The following EDIL3 variants were observed in gnomAD, a reference collection of about 807,000 sequenced individuals.
The protein encoded by EDIL3 is EGF like and discoidin domains 3.
In EDIL3, 37 loss-of-function variants were observed where a neutral mutation model predicts 67.4. The ratio of observed to expected loss-of-function variants is 0.55; its 90% CI spans 0.42 to 0.72. The LOEUF is 0.72. Among genes scored for constraint, EDIL3 ranks in the 30% least tolerant of loss-of-function variants. The pLI is 0.00. For synonymous variants in EDIL3, 195 were observed against 196.3 expected (o/e 0.99, Z 0.05); for missense variants, 527 against 586.3 (o/e 0.90, Z 1.04).
At chr5:84,359,045 A>G (rs1041252434) in intron 1 of EDIL3, among the ~76,000 whole-genome samples, 1 of 152,166 alleles carries the variant, frequency 6.6e-6, no homozygotes, top group Non-Finnish European at 1.5e-5. Flanking sequence ...AGCTATGGGG[A>G]TTTGGTTTTA....
At chr5:84,030,778 A>T (rs4703978) in intron 9 of EDIL3, among the ~76,000 whole-genome samples, 18,023 of 151,926 alleles carry the variant, frequency 0.12, 1,677 homozygotes, top group African/African-American at 0.26. Flanking sequence ...CTTCCTCTCA[A>T]CTTCTCACAC....
intron 1 of EDIL3, among the ~76,000 whole-genome samples, chr5:84,279,170 G>C (rs1441096007): frequency 1.3e-5 from 2 of 151,858 alleles, no homozygotes; most frequent in Non-Finnish European, 2.9e-5. Flanking sequence ...AAATTTATTC[G>C]AAGGCTGCCA....
At chr5:83,986,269 C>A (rs911022053) in intron 9 of EDIL3, among the ~76,000 whole-genome samples, 1 of 152,032 alleles carries the variant, frequency 6.6e-6, no homozygotes, top group Admixed American at 6.6e-5. Flanking sequence ...GATAAAATTC[C>A]AAATAACCAA....
chr5:84,150,619 T>G (rs565120453), intron 4 of EDIL3, among the ~76,000 whole-genome samples: 4 of 152,246 alleles, frequency 2.6e-5, no homozygotes, highest in African/African-American at 9.6e-5. Flanking sequence ...ACAGCTAAAA[T>G]TAAAAAGATG....
intron 1 of EDIL3, among the ~76,000 whole-genome samples, chr5:84,258,421 C>T (rs536686150): frequency 6.6e-6 from 1 of 152,278 alleles, no homozygotes; most frequent in South Asian, 2.1e-4. Context: ...TAGTCAATCA[C>T]ACAGGGAGCT....
chr5:83,974,562 A>G (rs1311083333), intron 9 of EDIL3, among the ~76,000 whole-genome samples: 1 of 152,018 alleles, frequency 6.6e-6, no homozygotes, highest in African/African-American at 2.4e-5. Context: ...ATTCAAATGC[A>G]TGGTCCGTAA....
intron 4 of EDIL3, among the ~76,000 whole-genome samples, chr5:84,156,227 G>A (rs1448663458): frequency 6.6e-5 from 10 of 152,176 alleles, no homozygotes; most frequent in Non-Finnish European, 1.5e-4. Context: ...AGGAGGAATA[G>A]GGAAGGGAAG....
At chr5:84,176,249 T>C (rs940330589) in intron 4 of EDIL3, among the ~76,000 whole-genome samples, 1 of 142,056 alleles carries the variant, frequency 7.0e-6, no homozygotes, top group Non-Finnish European at 1.5e-5. Flanking sequence ...GTATAATATA[T>C]TGTATATATA....
chr5:84,002,772 T>C (rs1048810861), intron 9 of EDIL3, among the ~76,000 whole-genome samples: 1 of 152,214 alleles, frequency 6.6e-6, no homozygotes, highest in Non-Finnish European at 1.5e-5. Flanking sequence ...GTACTTGCCA[T>C]TGCTGCCTTT....
chr5:84,033,312 G>A (rs1013037996), intron 9 of EDIL3, among the ~76,000 whole-genome samples: 2 of 152,126 alleles, frequency 1.3e-5, no homozygotes, highest in Non-Finnish European at 2.9e-5. Flanking sequence ...GACCACTGAG[G>A]ATTAGTAATT....
At chr5:84,202,189 T>C (rs1274370108) in intron 3 of EDIL3, among the ~76,000 whole-genome samples, 1 of 152,156 alleles carries the variant, frequency 6.6e-6, no homozygotes, top group African/African-American at 2.4e-5. Context: ...AGCCAGTTTG[T>C]AATTTATCAT....
chr5:84,309,553 C>T (rs1199795455), intron 1 of EDIL3, among the ~76,000 whole-genome samples: 1 of 148,588 alleles, frequency 6.7e-6, no homozygotes, highest in Admixed American at 6.9e-5. Context: ...TCCATGTGTT[C>T]TCATTGTTCA....
intron 4 of EDIL3, among the ~76,000 whole-genome samples, chr5:84,180,024 G>C (rs572740122): frequency 2.0e-4 from 31 of 151,530 alleles, no homozygotes; most frequent in African/African-American, 6.5e-4. Context: ...TTTTTTCTGG[G>C]TATCATCTCT....
rs1465356465 is a variant in EDIL3 at position 84,064,689 on chromosome 5, T to A, written c.952+11A>T. ...TAAATAGAATACAGAAATAGTTAAT[T>A]TGAGACTTACCCGACAGTTCACAGC... On this transcript the variant is annotated intron_variant, in intron 8 of 10. Transcript: ENST00000296591. 1 of 1,608,204 alleles carries A rather than the reference T, an allele frequency of 6.2e-7. No individual in the cohort carries two copies. Among genetic ancestry groups the A allele is most frequent in the Admixed American group, 1.7e-5 (1 of 59,090 alleles).
chr5:84,281,348 T>C (rs1461692930), intron 1 of EDIL3, among the ~76,000 whole-genome samples: 1 of 152,212 alleles, frequency 6.6e-6, no homozygotes, highest in African/African-American at 2.4e-5. Flanking sequence ...CTGACATCAC[T>C]TCAAGCCCAA....
At chr5:84,226,339 C>T (rs921623734) in intron 3 of EDIL3, among the ~76,000 whole-genome samples, 6 of 151,426 alleles carry the variant, frequency 4.0e-5, no homozygotes, top group African/African-American at 1.2e-4. Flanking sequence ...AATAAACAAA[C>T]ATGAATAACA....
At chr5:84,289,353 T>C (rs567554898) in intron 1 of EDIL3, among the ~76,000 whole-genome samples, 1 of 152,306 alleles carries the variant, frequency 6.6e-6, no homozygotes, top group Admixed American at 6.5e-5. Context: ...AAAGAGCTGC[T>C]TGAGTTTTAT....
intron 9 of EDIL3, among the ~76,000 whole-genome samples, chr5:84,060,067 G>C (rs1263382338): frequency 1.3e-5 from 2 of 152,114 alleles, no homozygotes; most frequent in Non-Finnish European, 1.5e-5. Context: ...AGTGTGATCT[G>C]GTACAGTCTC....
intron 1 of EDIL3, among the ~76,000 whole-genome samples, chr5:84,335,591 T>C (rs1191860252): frequency 1.3e-5 from 2 of 152,096 alleles, no homozygotes; most frequent in African/African-American, 2.4e-5. Flanking sequence ...GAAAACTACG[T>C]CCCAATTCTC....
Sources: gnomAD v4.1 joint callset for allele counts (sites outside exome capture counted in the v4.1 genomes callset) on GRCh38, gnomAD v4.1.1 for gene constraint, MANE v1.5 for transcripts, NCBI Gene and HGNC (gene_info 2026-07-23, HGNC 2026-07-21) for gene names.